EPYC: variants seen among roughly 807,000 people sequenced by gnomAD.
EPYC encodes dermatan sulfate proteoglycan 3.
EPYC carries 28 observed loss-of-function variants against 30.1 expected under a neutral mutation model. That is an observed-to-expected ratio of 0.93 (90% CI 0.69 to 1.28). The LOEUF is 1.28. Ranked by LOEUF, EPYC falls within the 50% of genes most tolerant of loss-of-function variation. The pLI is 0.00. For missense variants in EPYC, 382 were observed against 383.5 expected (o/e 1.00, Z 0.03); for synonymous variants, 144 against 141.4 (o/e 1.02, Z -0.13).
chr12:90,976,022 G>T (rs1877169284), intron 3 of EPYC, among the ~76,000 whole-genome samples: 1 of 152,024 alleles, frequency 6.6e-6, no homozygotes, highest in Non-Finnish European at 1.5e-5. Flanking sequence ...CTAGTACATA[G>T]TGTTTTGACT....
At chr12:90,966,255 G>A (rs1876892451) in intron 6 of EPYC, among the ~76,000 whole-genome samples, 1 of 152,086 alleles carries the variant, frequency 6.6e-6, no homozygotes, top group Admixed American at 6.5e-5. Context: ...CTCCATTGAA[G>A]ATGATGTTAG....
chr12:90,991,997 T>A (rs143407359), intron 2 of EPYC, among the ~76,000 whole-genome samples: 140 of 152,278 alleles, frequency 9.2e-4, no homozygotes, highest in African/African-American at 3.1e-3. Flanking sequence ...CAACTTCAGT[T>A]TGAAAATATG....
In EPYC at chr12:90,964,022, T is replaced by A; in HGVS notation, c.*134A>T. The A allele has an allele frequency of 1.3e-5, 7 of 544,920 alleles. No individual in the cohort carries two copies. Among genetic ancestry groups the A allele is most frequent in the Non-Finnish European group, 1.8e-5 (6 of 328,864 alleles). The allele number at this position is 544,920 out of a possible 1,614,324, so 33.8% of individuals were successfully genotyped here. A position where few individuals can be genotyped will look rare whatever the true frequency, so the allele number is the denominator to read the frequency against. On this transcript the variant is annotated 3_prime_UTR_variant, in exon 7 of 7. Transcript: ENST00000261172. ...TTACTACATTTTCATTATAACATTTTTAATTGTATTTTATGTAGTCATATC... is the reference window on the plus strand; with the variant it reads ...TTACTACATTTTCATTATAACATTTATAATTGTATTTTATGTAGTCATATC...
At chr12:90,988,425 G>A (rs1877503989) in intron 2 of EPYC, among the ~76,000 whole-genome samples, 1 of 152,030 alleles carries the variant, frequency 6.6e-6, no homozygotes, top group Non-Finnish European at 1.5e-5. Flanking sequence ...GTTTGGAGGA[G>A]GGAAATATTA....
chr12:90,972,803 T>G lies in EPYC; in HGVS notation c.499+19A>C. On this transcript the variant is annotated intron_variant, in intron 4 of 6. Coordinates refer to ENST00000261172, the MANE Select transcript of EPYC (RefSeq NM_004950.5). ...GAAGTGTGTAAAGCGGTGAAGGCCGTTAATGCTGTCATCCATACTTAGGCT... is the reference window on the plus strand; with the variant it reads ...GAAGTGTGTAAAGCGGTGAAGGCCGGTAATGCTGTCATCCATACTTAGGCT... 1 of 1,610,434 alleles carries G rather than the reference T, an allele frequency of 6.2e-7. No individual in the cohort carries two copies. The highest frequency in any genetic ancestry group is 2.2e-5 in the East Asian group (1 of 44,782).
At chr12:90,979,032 G>T (rs1230632867) in intron 2 of EPYC, among the ~76,000 whole-genome samples, 1 of 152,048 alleles carries the variant, frequency 6.6e-6, no homozygotes, top group Non-Finnish European at 1.5e-5. Flanking sequence ...TTATATTTTA[G>T]ATTACAACTG....
chr12:90,993,188 G>A (rs1203849499), intron 2 of EPYC, among the ~76,000 whole-genome samples: 1 of 152,070 alleles, frequency 6.6e-6, no homozygotes, highest in Non-Finnish European at 1.5e-5. Flanking sequence ...CTTCCCTTTT[G>A]GGGATAATTG....
At chr12:90,974,959 A>G (rs1877147657) in intron 3 of EPYC, among the ~76,000 whole-genome samples, 2 of 152,142 alleles carry the variant, frequency 1.3e-5, no homozygotes, top group Admixed American at 1.3e-4. Context: ...TCATGTTTAT[A>G]ACATTGAAAG....
chr12:90,995,741 A>AT (rs774713582), intron 2 of EPYC, among the ~76,000 whole-genome samples: 37 of 150,714 alleles, frequency 2.5e-4, no homozygotes, highest in East Asian at 2.1e-3. Flanking sequence ...ATGATTGTAT[A>AT]TTTTTTTTTG....
At chr12:90,990,080 C>T (rs371414713) in intron 2 of EPYC, among the ~76,000 whole-genome samples, 17 of 151,842 alleles carry the variant, frequency 1.1e-4, no homozygotes, top group African/African-American at 3.6e-4. Flanking sequence ...AGGAGGGGAG[C>T]GAGTCAGTCA....
intron 3 of EPYC, among the ~76,000 whole-genome samples, chr12:90,975,759 T>C (rs952004784): frequency 6.6e-6 from 1 of 152,096 alleles, no homozygotes; most frequent in African/African-American, 2.4e-5. Flanking sequence ...GGATATTTAA[T>C]TTTCCTATTT....
At position 90,964,309 on chromosome 12, in the gene EPYC, T is replaced by C. The variant is rs1164084867; in HGVS notation, c.816A>G (p.Glu272=). The C allele has an allele frequency of 1.9e-6, 3 of 1,606,684 alleles. No individual in the cohort carries two copies. The Admixed American group carries it at 5.0e-5, about 27-fold the overall frequency. ...ALHLQNNNIL[E]MHEDTFCNVK... ...CATTGCAGAACGTATCTTCGTGCAT[T>C]TCCAGAATGTTGTTATTCTAAAAAA... Residue 272 remains glutamate, a synonymous_variant, in exon 7 of 7, where the codon GAA becomes GAG. Transcript: ENST00000261172.
At chr12:91,001,640 A>G (rs192816486) in intron 2 of EPYC, among the ~76,000 whole-genome samples, 15 of 152,244 alleles carry the variant, frequency 9.9e-5, no homozygotes, top group Admixed American at 3.9e-4. Flanking sequence ...TATTTAGGGA[A>G]GCACATTCAC....
At chr12:91,001,681 G>T (rs553369352) in intron 2 of EPYC, among the ~76,000 whole-genome samples, 1 of 152,096 alleles carries the variant, frequency 6.6e-6, no homozygotes, top group East Asian at 1.9e-4. Flanking sequence ...CCAAACTATT[G>T]TTCTTTCTCT....
At chr12:90,988,744 A>T (rs1194306686) in intron 2 of EPYC, among the ~76,000 whole-genome samples, 2 of 152,134 alleles carry the variant, frequency 1.3e-5, no homozygotes, top group Non-Finnish European at 2.9e-5. Flanking sequence ...ACAATAAGAG[A>T]TTCTATCTTG....
At chr12:91,001,141 G>A (rs1466277615) in intron 2 of EPYC, among the ~76,000 whole-genome samples, 1 of 151,926 alleles carries the variant, frequency 6.6e-6, no homozygotes, top group Non-Finnish European at 1.5e-5. Flanking sequence ...GAGGGTGAAA[G>A]TAAGAGAGAG....
At chr12:90,969,209 C>T (rs892927926) in intron 6 of EPYC, among the ~76,000 whole-genome samples, 5 of 151,716 alleles carry the variant, frequency 3.3e-5, no homozygotes, top group Non-Finnish European at 7.4e-5. Context: ...ACATTTTCTG[C>T]CATAAAAGAT....
intron 2 of EPYC, among the ~76,000 whole-genome samples, chr12:90,996,864 G>T (rs1877703792): frequency 2.6e-5 from 4 of 151,964 alleles, no homozygotes. Context: ...ATTCCAGAAA[G>T]GATACGGACA....
intron 2 of EPYC, among the ~76,000 whole-genome samples, chr12:90,988,445 A>G (rs569111296): frequency 6.6e-6 from 1 of 152,256 alleles, no homozygotes; most frequent in South Asian, 2.1e-4. Flanking sequence ...AAATTTGTTG[A>G]AAATGAACCA....
Sources: gnomAD v4.1 joint callset for allele counts (sites outside exome capture counted in the v4.1 genomes callset) on GRCh38, gnomAD v4.1.1 for gene constraint, MANE v1.5 for transcripts, NCBI Gene and HGNC (gene_info 2026-07-23, HGNC 2026-07-21) for gene names.